GATAD2B: variants seen among roughly 807,000 people sequenced by gnomAD.
GATAD2B encodes the protein transcriptional repressor p66-beta.
In GATAD2B, 8 loss-of-function variants were observed where a neutral mutation model predicts 64.3. The observed-to-expected ratio is 0.12, with a 90% confidence interval of 0.07 to 0.22. The LOEUF (loss-of-function observed/expected upper bound fraction) is 0.22, where lower values mean the gene tolerates loss of function less well. GATAD2B is among the 10% of genes least tolerant of loss of function. GATAD2B has a pLI of 1.00. For missense variants in GATAD2B, 453 were observed against 752.0 expected, an observed-to-expected ratio of 0.60 and a Z score of 4.65; for synonymous variants, 281 against 271.3, an observed-to-expected ratio of 1.04 and a Z score of -0.35.
At chr1:153,899,116 G>A (rs11589857) in intron 1 of GATAD2B, 41,085 of 152,154 alleles carry the variant, frequency 0.27, 6,113 homozygotes, top group Admixed American at 0.38. Context: ...AGCTGGGTGC[G>A]ATGGTGCACA....
At chr1:153,891,634 A>G (rs2101950075) in intron 1 of GATAD2B, among the ~76,000 whole-genome samples, 1 of 71,702 alleles carries the variant, frequency 1.4e-5, no homozygotes, top group Admixed American at 2.6e-4. Context: ...AGGAAAAAGG[A>G]GAGGGGAAGG....
intron 2 of GATAD2B, 55 bp from the exon 3 acceptor site, chr1:153,819,790 T>A: frequency 6.6e-7 from 1 of 1,511,926 alleles, no homozygotes; most frequent in East Asian, 2.3e-5. Flanking sequence ...AGAAAACTTC[T>A]ATGCTGAATT....
intron 8 of GATAD2B, 167 bp from the exon 9 acceptor site, chr1:153,812,299 G>C: frequency 1.8e-6 from 1 of 570,718 alleles, no homozygotes; most frequent in Non-Finnish European, 3.1e-6. Context: ...CCAAAGTGCT[G>C]GGATTACAGG....
At position 153,819,638 on chromosome 1, in the gene GATAD2B, T is replaced by C; in HGVS notation, c.433A>G (p.Arg145Gly). 1 of 1,610,262 alleles carries C rather than the reference T, an allele frequency of 6.2e-7. No individual in the cohort carries two copies. The highest frequency in any genetic ancestry group is 8.5e-7 in the Non-Finnish European group (1 of 1,178,078). Residue 145 changes from arginine to glycine, a missense_variant, in exon 3 of 11, where the codon AGA becomes GGA. By Grantham distance (125) the Arg-to-Gly change is moderately radical (BLOSUM62 -2). Transcript: ENST00000368655. ...SPRSSSRMEERLKAANLEMFK... is the reference protein window; with the variant it reads ...SPRSSSRMEEGLKAANLEMFK... ...ATCTCTAAGTTGGCTGCTTTGAGTC[T>C]TTCTTCCATTCTGGAACTGGAACGG...
chr1:153,814,412 T>C lies in GATAD2B; in HGVS notation c.1217-960A>G, dbSNP rs539787246. On this transcript the variant is annotated intron_variant, in intron 7 of 10. Transcript: ENST00000368655. ...TCTATGTAAGTGTGTGTTTCTCAAC[T>C]GTAAGCATTCACAGAAGACTAAACA... Among the ~76,000 whole-genome samples, 7 of 152,354 alleles carry C rather than the reference T, an allele frequency of 4.6e-5. No individual in the cohort carries two copies. In the South Asian group the frequency reaches 1.5e-3, roughly 32 times the overall value.
intron 2 of GATAD2B, among the ~76,000 whole-genome samples, chr1:153,822,389 G>C (rs950359125): frequency 4.6e-5 from 7 of 152,146 alleles, no homozygotes; most frequent in African/African-American, 1.7e-4. Context: ...ACTGGATGGA[G>C]ATTTGGGAAC....
At chr1:153,884,339 A>G (rs551538005) in intron 1 of GATAD2B, among the ~76,000 whole-genome samples, 3 of 152,308 alleles carry the variant, frequency 2.0e-5, no homozygotes, top group African/African-American at 7.2e-5. Flanking sequence ...GCTACTCCGG[A>G]GGCTGAGGCG....
At chr1:153,886,924 C>T (rs76736079) in intron 1 of GATAD2B, among the ~76,000 whole-genome samples, 3,056 of 152,100 alleles carry the variant, frequency 0.02, 109 homozygotes, top group African/African-American at 0.07. Flanking sequence ...TTAACTTACA[C>T]TTAAAATTAT....
chr1:153,854,131 G>A (rs1190464418), intron 1 of GATAD2B, among the ~76,000 whole-genome samples: 2 of 152,054 alleles, frequency 1.3e-5, no homozygotes, highest in African/African-American at 2.4e-5. Flanking sequence ...GGCCAGGCAC[G>A]GTGGCTCACA....
At chr1:153,829,821 C>T (rs574689373) in intron 1 of GATAD2B, among the ~76,000 whole-genome samples, 4 of 151,626 alleles carry the variant, frequency 2.6e-5, no homozygotes, top group South Asian at 2.1e-4. Flanking sequence ...AAACAGGGGC[C>T]GGGTGCAGTG....
At chr1:153,916,278 A>G (rs1300838836) in intron 1 of GATAD2B, among the ~76,000 whole-genome samples, 2 of 77,948 alleles carry the variant, frequency 2.6e-5, no homozygotes, top group African/African-American at 6.8e-5. Flanking sequence ...CCACCTCAAG[A>G]AAAAAAAAAA....
At chr1:153,852,012 A>T in intron 1 of GATAD2B, 1 of 387,692 alleles carries the variant, frequency 2.6e-6, no homozygotes, top group Non-Finnish European at 4.6e-6. Context: ...TTGCTTCCCA[A>T]TTTAGGGTTG....
intron 1 of GATAD2B, chr1:153,853,193 C>A (rs1305468562): frequency 8.2e-7 from 1 of 1,216,426 alleles, no homozygotes. Context: ...CAATTTGCAG[C>A]TCTAGCTTCT....
rs1047770604 is a variant in GATAD2B at position 153,816,449 on chromosome 1, T to C, written c.1040A>G (p.Asn347Ser). ...PSPSAMTDAA[N>S]SQAAAKLALR... is the part of the protein sequence containing the mutation. ...AGCCAATTTGGCTGCAGCCTGTGAGTTGGCAGCATCAGTCATGGCGCTGGG... is the reference window on the plus strand; with the variant it reads ...AGCCAATTTGGCTGCAGCCTGTGAGCTGGCAGCATCAGTCATGGCGCTGGG... The change falls in exon 7 of 11, where the codon AAC (asparagine) becomes AGC (serine). Residue 347 changes from asparagine (N) to serine (S), a missense_variant. Physicochemically the swap from Asn to Ser is conservative, Grantham distance 46 (BLOSUM62 1). Transcript: ENST00000368655. The surrounding 1 kb of genome is among the most constrained non-coding windows in gnomAD (Gnocchi z 4.9). The C allele has an allele frequency of 8.1e-6, 13 of 1,614,128 alleles. No homozygotes were observed. Among genetic ancestry groups the C allele is most frequent in the Middle Eastern group, 1.6e-4 (1 of 6,062 alleles).
At chr1:153,868,738 CTTTTT>C (rs1269590974) in intron 1 of GATAD2B, among the ~76,000 whole-genome samples, 2 of 139,192 alleles carry the variant, frequency 1.4e-5, no homozygotes, top group Admixed American at 1.5e-4. Flanking sequence ...ATACTATATA[CTTTTT>C]TTTTTTTTTT....
chr1:153,866,177 C>G (rs544448920), intron 1 of GATAD2B, among the ~76,000 whole-genome samples: 1 of 142,614 alleles, frequency 7.0e-6, no homozygotes, highest in African/African-American at 2.7e-5. Context: ...GCACTCCAGC[C>G]TGGCAACAGA....
intron 1 of GATAD2B, among the ~76,000 whole-genome samples, chr1:153,887,502 G>A (rs1677220387): frequency 6.6e-6 from 1 of 152,148 alleles, no homozygotes; most frequent in Non-Finnish European, 1.5e-5. Context: ...TTATAATGCA[G>A]AATATGGACT....
At chr1:153,914,474 A>T (rs1371709315) in intron 1 of GATAD2B, among the ~76,000 whole-genome samples, 1 of 152,218 alleles carries the variant, frequency 6.6e-6, no homozygotes, top group East Asian at 1.9e-4. Flanking sequence ...GGTAAATGGC[A>T]GAACCAAGGC....
chr1:153,879,032 C>G (rs934611510), intron 1 of GATAD2B, among the ~76,000 whole-genome samples: 2 of 151,984 alleles, frequency 1.3e-5, no homozygotes, highest in Non-Finnish European at 2.9e-5. Context: ...CTCCGCCTCC[C>G]GGGTTCAAGC....
Sources: gnomAD v4.1 joint callset for allele counts (sites outside exome capture counted in the v4.1 genomes callset) on GRCh38, gnomAD v4.1.1 for gene constraint, Gnocchi (gnomAD v3.1) non-coding constraint, MANE v1.5 for transcripts, NCBI Gene and HGNC (gene_info 2026-07-23, HGNC 2026-07-21) for gene names.